Variants in EML6 observed in about 807,000 individuals in gnomAD.
The protein encoded by EML6 is EMAP like 6.
In EML6, 154 loss-of-function variants were observed where a neutral mutation model predicts 240.1. The observed-to-expected ratio is 0.64, with a 90% confidence interval of 0.56 to 0.73. The LOEUF is 0.73. Ranked by LOEUF, EML6 falls within the 30% of genes least tolerant of loss-of-function variation. EML6 has a pLI of 0.00. For missense variants in EML6, 2,964 were observed against 2,474.6 expected (o/e 1.20, Z -4.20); for synonymous variants, 1,148 against 899.0 (o/e 1.28, Z -4.95).
At chr2:54,789,409 G>C (rs942884917) in intron 2 of EML6, among the ~76,000 whole-genome samples, 1 of 149,782 alleles carries the variant, frequency 6.7e-6, no homozygotes, top group African/African-American at 2.5e-5. Flanking sequence ...AGCTACTCGG[G>C]AGGCTGAGGC....
intron 24 of EML6, 34 bp from the exon 25 acceptor site, chr2:54,910,920 T>A: frequency 9.0e-7 from 1 of 1,112,232 alleles, no homozygotes; most frequent in Non-Finnish European, 1.3e-6. Flanking sequence ...AAGTCAGATT[T>A]TAATTATCTC....
chr2:54,737,029 T>C (rs1683427058), intron 2 of EML6, among the ~76,000 whole-genome samples: 1 of 152,116 alleles, frequency 6.6e-6, no homozygotes, highest in Non-Finnish European at 1.5e-5. Flanking sequence ...TGACTTTGGA[T>C]TGGGTGGAGA....
chr2:54,806,851 C>T (rs1361897238), intron 2 of EML6, among the ~76,000 whole-genome samples: 3 of 151,940 alleles, frequency 2.0e-5, no homozygotes, highest in African/African-American at 7.3e-5. Flanking sequence ...GAAACTGGGG[C>T]ACAGAGAGGT....
rs530572597 is a variant in EML6 at position 54,803,686 on chromosome 2, AC to A, written c.198-9544del. On this transcript the variant is annotated intron_variant, in intron 2 of 41. Coordinates refer to ENST00000356458, the MANE Select transcript of EML6 (RefSeq NM_001039753.4). Reference sequence around the variant, plus strand: ...GGCTTGAAGACTGCCATTTTAATGCACCTTTCACAAGGCTGTGCAACTCTAT... The same window carrying A: ...GGCTTGAAGACTGCCATTTTAATGCACTTTCACAAGGCTGTGCAACTCTAT... Among the ~76,000 whole-genome samples, 84 of 152,292 alleles carry A rather than the reference AC, an allele frequency of 5.5e-4. 1 individual carries two copies. The highest frequency in any genetic ancestry group is 3.4e-3 in the Middle Eastern group (1 of 294).
chr2:54,725,043 C>G lies in EML6; in HGVS notation c.-19C>G, dbSNP rs753606825. On this transcript the variant is annotated 5_prime_UTR_variant, in exon 2 of 42. Coordinates refer to ENST00000356458, the MANE Select transcript of EML6 (RefSeq NM_001039753.4). This position sits in a 1 kb window ranked among gnomAD's most constrained non-coding sequence, Gnocchi z 4.3. ...CCCCGGCGCGCGGGGGGGCGGGGGG[C>G]GCGCGGGGTCGGCTTATCATGGCGG... 2.7e-6 allele frequency: 4 copies of G among 1,493,618 alleles called. No homozygotes were observed. The highest frequency in any genetic ancestry group is 3.6e-6 in the Non-Finnish European group (4 of 1,122,260). The allele number at this position is 1,493,618 out of a possible 1,614,324, so 92.5% of individuals were successfully genotyped here.
intron 2 of EML6, among the ~76,000 whole-genome samples, chr2:54,750,215 G>A (rs543503685): frequency 6.6e-6 from 1 of 152,318 alleles, no homozygotes; most frequent in African/African-American, 2.4e-5. Flanking sequence ...AAGAACTCAG[G>A]TGACATGCAG....
At chr2:54,729,463 A>T (rs1446148848) in intron 2 of EML6, among the ~76,000 whole-genome samples, 1 of 152,266 alleles carries the variant, frequency 6.6e-6, no homozygotes, top group African/African-American at 2.4e-5. Context: ...CCAAACTCAG[A>T]ACTAAATGTG....
chr2:54,763,694 A>G (rs1572869376), intron 2 of EML6, among the ~76,000 whole-genome samples: 1 of 152,206 alleles, frequency 6.6e-6, no homozygotes, highest in South Asian at 2.1e-4. Flanking sequence ...CCAGGAGCCT[A>G]AAAGGGTGAA....
At position 54,791,756 on chromosome 2, in the gene EML6, C is replaced by T. The variant is rs374786813; in HGVS notation, c.198-21476C>T. 4.1e-4 allele frequency among the ~76,000 whole-genome samples: 63 copies of T among 152,258 alleles called. No individual in the cohort carries two copies. The South Asian group carries it at 4.4e-3, about 11-fold the overall frequency. On this transcript the variant is annotated intron_variant, in intron 2 of 41. Transcript: ENST00000356458. ...TACTGGAGGTTCAGTAGTGTCCACC[C>T]TACCGTTTGCCCTCCGCTTGTGAAG...
At chr2:54,809,150 T>G (rs1266532088) in intron 2 of EML6, among the ~76,000 whole-genome samples, 1 of 152,236 alleles carries the variant, frequency 6.6e-6, no homozygotes, top group Non-Finnish European at 1.5e-5. Flanking sequence ...GTAAAAGTTT[T>G]AATATTGTGA....
intron 2 of EML6, among the ~76,000 whole-genome samples, chr2:54,765,597 A>G (rs1668152017): frequency 6.6e-6 from 1 of 152,140 alleles, no homozygotes. Context: ...AGTAGGTGGG[A>G]CTACAGGCAC....
At chr2:54,775,623 T>A (rs1668567812) in intron 2 of EML6, among the ~76,000 whole-genome samples, 1 of 152,228 alleles carries the variant, frequency 6.6e-6, no homozygotes, top group South Asian at 2.1e-4. Context: ...TTGTTCATTG[T>A]ATGACCAGAC....
At chr2:54,851,817 A>G (rs144651094) in intron 10 of EML6, among the ~76,000 whole-genome samples, 3,314 of 152,312 alleles carry the variant, frequency 0.022, 57 homozygotes, top group Middle Eastern at 0.044. Flanking sequence ...TGCACACACA[A>G]TTCTGCAGCA....
Position 54,937,784 on chromosome 2 carries a change from C to G in EML6, c.4004+9033C>G, listed in dbSNP as rs375164787. On this transcript the variant is annotated intron_variant, in intron 28 of 41. Coordinates refer to ENST00000356458, the MANE Select transcript of EML6 (RefSeq NM_001039753.4). ...GCCATCTTCTAAAAAAAGTTTCAAG[C>G]AACAGTGTTTTTATATACTCTATCA... is the stretch of plus-strand genomic sequence containing the variant. 2.0e-5 allele frequency among the ~76,000 whole-genome samples: 3 copies of G among 152,158 alleles called. No homozygotes were observed. The East Asian group carries it at 5.8e-4, about 29-fold the overall frequency.
At chr2:54,922,816 T>C (rs745954548) in intron 26 of EML6, among the ~76,000 whole-genome samples, 1 of 152,010 alleles carries the variant, frequency 6.6e-6, no homozygotes, top group Non-Finnish European at 1.5e-5. Flanking sequence ...TACTTTGTGA[T>C]CTCACATATA....
intron 17 of EML6, among the ~76,000 whole-genome samples, chr2:54,887,866 C>A (rs1672236681): frequency 6.6e-6 from 1 of 152,202 alleles, no homozygotes; most frequent in Non-Finnish European, 1.5e-5. Context: ...CTATCACCCT[C>A]CTGCACTAGA....
chr2:54,746,712 T>C (rs1683928236), intron 2 of EML6, among the ~76,000 whole-genome samples: 1 of 152,230 alleles, frequency 6.6e-6, no homozygotes, highest in Admixed American at 6.5e-5. Context: ...GATCTGTTTA[T>C]AGGTATTTAA....
rs781339928 is a variant in EML6 at position 54,865,332 on chromosome 2, A to AAC, written c.1933-1433_1933-1432insCA. Among the ~76,000 whole-genome samples the AAC allele has an allele frequency of 1.9e-3, 283 of 151,456 alleles. 3 individuals are homozygous for AAC. The East Asian group carries it at 0.019, about 10-fold the overall frequency. On this transcript the variant is annotated intron_variant, in intron 13 of 41. Coordinates refer to ENST00000356458, the MANE Select transcript of EML6 (RefSeq NM_001039753.4). The stretch of plus-strand genomic sequence containing the variant: ...AGTCTCTGTATCTACAAAAAAAAAA[A>AAC]AAAACTGCTGGGCATTTGCCTGTAG...
At chr2:54,940,609 A>G (rs1012322276) in intron 28 of EML6, among the ~76,000 whole-genome samples, 5 of 152,212 alleles carry the variant, frequency 3.3e-5, no homozygotes, top group Non-Finnish European at 7.3e-5. Context: ...GAATGGACCA[A>G]TTTACTTAGC....
Sources: allele counts gnomAD v4.1 joint callset (sites outside exome capture counted in the v4.1 genomes callset), GRCh38; gene constraint gnomAD v4.1.1; non-coding constraint Gnocchi (gnomAD v3.1); transcripts MANE v1.5; gene names NCBI Gene and HGNC (gene_info 2026-07-23, HGNC 2026-07-21).